PSEN2: variants seen among roughly 807,000 people sequenced by gnomAD.
PSEN2 encodes the protein presenilin-2.
PSEN2 carries 32 observed loss-of-function variants against 49.1 expected under a neutral mutation model. The ratio of observed to expected loss-of-function variants is 0.65; its 90% CI spans 0.49 to 0.88. PSEN2 has a LOEUF of 0.88. Among genes scored for constraint, PSEN2 ranks in the 40% least tolerant of loss-of-function variants. The pLI, the probability that PSEN2 is intolerant of heterozygous loss-of-function variation, is 0.00. For synonymous variants in PSEN2, 255 were observed against 244.0 expected, an observed-to-expected ratio of 1.05 and a Z score of -0.42; for missense variants, 522 against 586.9, an observed-to-expected ratio of 0.89 and a Z score of 1.14.
intron 4 of PSEN2, among the ~76,000 whole-genome samples, chr1:226,882,983 G>A (rs1037536016): frequency 6.6e-6 from 1 of 152,146 alleles, no homozygotes; most frequent in South Asian, 2.1e-4. Flanking sequence ...TTTTTCTTTA[G>A]CTGTTCACCT....
rs78420366 is a variant in PSEN2, at chr1:226,891,821, A to T, written c.1049A>T (p.Glu350Val). 1 of 1,614,008 alleles carries T rather than the reference A, an allele frequency of 6.2e-7. No individual in the cohort carries two copies. The highest frequency in any genetic ancestry group is 1.1e-5 in the South Asian group (1 of 91,076). The change falls in exon 11 of 13, where the codon GAG (glutamate) becomes GTG (valine). Residue 350 changes from glutamate (E) to valine (V), a missense_variant. By Grantham distance (121) the Glu-to-Val change is moderately radical (BLOSUM62 -2). Coordinates refer to ENST00000366783, the MANE Select transcript of PSEN2 (RefSeq NM_000447.3). ...FEPPLTGYPGEELEEEEERGV... is the reference protein window; with the variant it reads ...FEPPLTGYPGVELEEEEERGV... ...CCTCCCTTGACTGGCTACCCAGGGG[A>T]GGAGCTGGAGGAAGAGGAGGAAAGT...
chr1:226,885,712 T>G, intron 6 of PSEN2, 33 bp downstream of exon 6: 1 of 1,601,044 alleles, frequency 6.2e-7, no homozygotes, highest in Non-Finnish European at 8.5e-7. Flanking sequence ...CAGCCACGCT[T>G]CTCTCCGTCT....
chr1:226,875,827 C>G (rs982187070), intron 3 of PSEN2, among the ~76,000 whole-genome samples: 1 of 152,174 alleles, frequency 6.6e-6, no homozygotes, highest in Non-Finnish European at 1.5e-5. Context: ...CTTGGTTTGG[C>G]TAATTCAGCA....
chr1:226,890,666 A>C (rs1387201851), intron 9 of PSEN2: 1 of 214,102 alleles, frequency 4.7e-6, no homozygotes, highest in Admixed American at 5.3e-5. Context: ...GCACTGTGCT[A>C]GGCATTGGGG....
At position 226,882,003 on chromosome 1, in the gene PSEN2, G is replaced by A; in HGVS notation, c.96G>A (p.Gln32=). Residue 32 remains glutamine, a synonymous_variant, in exon 4 of 13, where the codon CAG becomes CAA. Transcript: ENST00000366783. The stretch of plus-strand genomic sequence containing the variant: ...AGAGCCCCACGCCGCGCTCCTGCCA[G>A]GAGGGCAGGCAGGGCCCAGAGGATG... ...SAESPTPRSC[Q]EGRQGPEDGE... The A allele has an allele frequency of 6.2e-7, 1 of 1,614,110 alleles. No individual in the cohort carries two copies. Among genetic ancestry groups the A allele is most frequent in the Non-Finnish European group, 8.5e-7 (1 of 1,179,998 alleles).
chr1:226,894,936 C>T (rs1218094367), intron 12 of PSEN2, among the ~76,000 whole-genome samples: 1 of 152,222 alleles, frequency 6.6e-6, no homozygotes, highest in Non-Finnish European at 1.5e-5. Flanking sequence ...CTGTGCTCAC[C>T]TGGACCACTG....
At chr1:226,876,869 A>C (rs1207296203) in intron 3 of PSEN2, among the ~76,000 whole-genome samples, 1 of 152,106 alleles carries the variant, frequency 6.6e-6, no homozygotes, top group Non-Finnish European at 1.5e-5. Flanking sequence ...CCAGGTAGTG[A>C]CTGAGACCCA....
downstream of PSEN2, among the ~76,000 whole-genome samples, chr1:226,901,163 C>T (rs752062183): frequency 6.6e-6 from 1 of 152,180 alleles, no homozygotes; most frequent in African/African-American, 2.4e-5. Flanking sequence ...AGGCTACGCA[C>T]GGTGGCTCAC....
Position 226,880,388 on chromosome 1 carries a change from T to TA in PSEN2, c.-20-1492dup, listed in dbSNP as rs987988258. ...GAGACCCTGTCTCTAGAAATAAAAA[T>TA]AAAAAAAATCACATATATTGTGGGG... On this transcript the variant is annotated intron_variant, in intron 3 of 12. Coordinates refer to ENST00000366783, the MANE Select transcript of PSEN2 (RefSeq NM_000447.3). 5.7e-5 allele frequency: 42 copies of TA among 736,810 alleles called. No homozygotes were observed. The East Asian group carries it at 9.0e-4, about 16-fold the overall frequency. 45.6% of individuals were successfully genotyped at this position (736,810 alleles called of 1,614,324 possible).
At chr1:226,881,544 C>G (rs111382438) in intron 3 of PSEN2, among the ~76,000 whole-genome samples, 2,479 of 152,228 alleles carry the variant, frequency 0.016, 64 homozygotes, top group African/African-American at 0.056. Context: ...TCCCCAGAGC[C>G]CAGCATGATC....
intron 5 of PSEN2, 130 bp from the exon 6 acceptor site, chr1:226,885,408 C>G (rs147240901): frequency 2.0e-6 from 2 of 1,024,646 alleles, no homozygotes; most frequent in African/African-American, 3.2e-5. Context: ...TGCCCGCACT[C>G]CATCAGGGCA....
intron 2 of PSEN2, among the ~76,000 whole-genome samples, chr1:226,873,707 C>G (rs768740574): frequency 6.6e-6 from 1 of 152,190 alleles, no homozygotes; most frequent in Non-Finnish European, 1.5e-5. Flanking sequence ...TAAGCCATTG[C>G]GCTGGGCTGA....
chr1:226,871,842 C>G (rs914130693), intron 2 of PSEN2, among the ~76,000 whole-genome samples: 2 of 152,218 alleles, frequency 1.3e-5, no homozygotes, highest in African/African-American at 2.4e-5. Context: ...TGTGGGCAGC[C>G]GGTGACTGGC....
chr1:226,893,952 T>C (rs1021431668), intron 11 of PSEN2, 55 bp from the exon 12 acceptor site: 1 of 1,484,670 alleles, frequency 6.7e-7, no homozygotes, highest in Non-Finnish European at 9.4e-7. Flanking sequence ...GTTTCTCTTC[T>C]TTTTCCATTC....
chr1:226,872,717 G>A (rs984995813), intron 2 of PSEN2, among the ~76,000 whole-genome samples: 2 of 152,158 alleles, frequency 1.3e-5, no homozygotes, highest in African/African-American at 4.8e-5. Context: ...GTTTAGTTGG[G>A]GACTGATAAG....
At chr1:226,871,810 GTTC>G (rs1485448685) in intron 2 of PSEN2, among the ~76,000 whole-genome samples, 4 of 152,348 alleles carry the variant, frequency 2.6e-5, no homozygotes, top group South Asian at 2.1e-4. Context: ...TGAGCCTCAG[GTTC>G]TTCTCTCCTG....
Position 226,888,829 on chromosome 1 carries a change from G to A in PSEN2, c.567G>A (p.Gly189=). The change falls in exon 8 of 13, where the codon GGG becomes GGA. Residue 189 remains glycine (G), a splice_region_variant and synonymous_variant. Coordinates refer to ENST00000366783, the MANE Select transcript of PSEN2 (RefSeq NM_000447.3). ...LLFLFTYIYL[G]EVLKTYNVAM... is the part of the protein sequence containing the mutation. ...CACAGGCTCCACCTTGGTCCTGCAG[G>A]GAAGTGCTCAAGACCTACAATGTGG... 1 of 1,613,964 alleles carries A rather than the reference G, an allele frequency of 6.2e-7. No individual in the cohort carries two copies. The highest frequency in any genetic ancestry group is 8.5e-7 in the Non-Finnish European group (1 of 1,179,824).
Position 226,883,644 on chromosome 1 carries a change from A to G in PSEN2, c.142-61A>G, listed in dbSNP as rs1661139063. 3.3e-6 allele frequency: 5 copies of G among 1,516,922 alleles called. No homozygotes were observed. In the East Asian group the frequency reaches 9.3e-5, roughly 28 times the overall value. The allele number at this position is 1,516,922 out of a possible 1,614,324, so 94.0% of individuals were successfully genotyped here. A position where few individuals can be genotyped will look rare whatever the true frequency, so the allele number is the denominator to read the frequency against. On this transcript the variant is annotated intron_variant, in intron 4 of 12. Transcript: ENST00000366783. ...CATTTCTGGTTCCAAAAATCCGTGC[A>G]TTACATGGATAGGCTGCCGTGGGGG... is the stretch of plus-strand genomic sequence containing the variant.
intron 2 of PSEN2, among the ~76,000 whole-genome samples, chr1:226,871,797 G>A (rs966206525): frequency 3.9e-5 from 6 of 152,254 alleles, no homozygotes; most frequent in Admixed American, 3.3e-4. Flanking sequence ...TGCTTCAGGT[G>A]TGTGAGCCTC....
Sources: allele counts gnomAD v4.1 joint callset (sites outside exome capture counted in the v4.1 genomes callset), GRCh38; gene constraint gnomAD v4.1.1; transcripts MANE v1.5; gene names NCBI Gene and HGNC (gene_info 2026-07-23, HGNC 2026-07-21).